ARHGEF28: variants seen among roughly 807,000 people sequenced by gnomAD.
The protein encoded by ARHGEF28 is 190 kDa guanine nucleotide exchange factor.
Under a neutral mutation model 206.6 loss-of-function variants are expected in ARHGEF28, and 152 were observed. That is an observed-to-expected ratio of 0.74 (90% CI 0.64 to 0.84). The LOEUF is 0.84. Among genes scored for constraint, ARHGEF28 ranks in the 40% least tolerant of loss-of-function variants. The pLI, the probability that ARHGEF28 is intolerant of heterozygous loss-of-function variation, is 0.00. For synonymous variants in ARHGEF28, 763 were observed against 776.4 expected, an observed-to-expected ratio of 0.98 and a Z score of 0.29; for missense variants, 2,028 against 2,073.2, an observed-to-expected ratio of 0.98 and a Z score of 0.42.
intron 2 of ARHGEF28, among the ~76,000 whole-genome samples, chr5:73,695,328 G>A (rs544527721): frequency 6.6e-6 from 1 of 152,106 alleles, no homozygotes; most frequent in South Asian, 2.1e-4. Flanking sequence ...CCTCTGTTGT[G>A]TGGGTGTTCC....
intron 35 of ARHGEF28, among the ~76,000 whole-genome samples, chr5:73,939,370 G>A (rs1742442776): frequency 6.6e-6 from 1 of 152,210 alleles, no homozygotes; most frequent in South Asian, 2.1e-4. Context: ...TTGAGGTACA[G>A]CATTTAGGAT....
intron 1 of ARHGEF28, among the ~76,000 whole-genome samples, chr5:73,643,563 CTA>C (rs1744249681): frequency 6.6e-6 from 1 of 152,044 alleles, no homozygotes; most frequent in African/African-American, 2.4e-5. Flanking sequence ...GCCTGTAATC[CTA>C]GCACTCTGAG....
At chr5:73,684,816 C>T in intron 1 of ARHGEF28, 25 bp from the exon 2 acceptor site, 2 of 1,603,804 alleles carry the variant, frequency 1.2e-6, no homozygotes, top group Non-Finnish European at 1.7e-6. Context: ...GCAATAACTT[C>T]TCTTGTTTAT....
At chr5:73,687,777 G>GA (rs1406831448) in intron 2 of ARHGEF28, among the ~76,000 whole-genome samples, 1 of 151,898 alleles carries the variant, frequency 6.6e-6, no homozygotes, top group Non-Finnish European at 1.5e-5. Context: ...CCAGCAAAAA[G>GA]AAAAAATTAA....
At chr5:73,920,519 G>C (rs114355949) in intron 35 of ARHGEF28, among the ~76,000 whole-genome samples, 3 of 147,908 alleles carry the variant, frequency 2.0e-5, no homozygotes. Flanking sequence ...ATGGTAATTT[G>C]CTGTACCTAT....
At chr5:73,909,110 C>T (rs1243633788) in intron 33 of ARHGEF28, 2 of 259,672 alleles carry the variant, frequency 7.7e-6, no homozygotes, top group Non-Finnish European at 1.5e-5. Flanking sequence ...TCAGAAGACT[C>T]GCTTAACTAT....
intron 14 of ARHGEF28, among the ~76,000 whole-genome samples, chr5:73,853,925 G>A (rs1758857495): frequency 1.3e-5 from 2 of 152,292 alleles, no homozygotes; most frequent in African/African-American, 2.4e-5. Context: ...GACCGAAGGA[G>A]CCAATGTTAT....
chr5:73,637,050 A>G (rs563775430), intron 1 of ARHGEF28, among the ~76,000 whole-genome samples: 1 of 152,340 alleles, frequency 6.6e-6, no homozygotes, highest in South Asian at 2.1e-4. Flanking sequence ...TGTTGTCAGA[A>G]TACTTCATGA....
At chr5:73,913,866 G>A (rs938024575) in intron 35 of ARHGEF28, among the ~76,000 whole-genome samples, 4 of 152,164 alleles carry the variant, frequency 2.6e-5, no homozygotes, top group Admixed American at 2.0e-4. Context: ...CTCTTTCATT[G>A]TTAGGCCATA....
At chr5:73,734,377 C>T (rs568859753) in intron 2 of ARHGEF28, among the ~76,000 whole-genome samples, 1 of 152,274 alleles carries the variant, frequency 6.6e-6, no homozygotes, top group South Asian at 2.1e-4. Flanking sequence ...GCCAGGGCAG[C>T]ATGCTCACTG....
intron 2 of ARHGEF28, among the ~76,000 whole-genome samples, chr5:73,685,239 G>C (rs531054007): frequency 6.6e-6 from 1 of 152,268 alleles, no homozygotes; most frequent in African/African-American, 2.4e-5. Context: ...AAGGTTTCAT[G>C]ATAATTGTGT....
chr5:73,859,856 C>G (rs1579998474), intron 16 of ARHGEF28, among the ~76,000 whole-genome samples: 1 of 152,170 alleles, frequency 6.6e-6, no homozygotes, highest in East Asian at 1.9e-4. Flanking sequence ...TGTTTTAAGA[C>G]AGACTCAAGT....
chr5:73,881,451 G>T (rs1304985353), intron 22 of ARHGEF28, among the ~76,000 whole-genome samples: 1 of 152,060 alleles, frequency 6.6e-6, no homozygotes, highest in African/African-American at 2.4e-5. Context: ...CATTTATTTA[G>T]ATTTTTGTCA....
chr5:73,847,039 TTTAC>T (rs546204333), intron 12 of ARHGEF28, among the ~76,000 whole-genome samples: 159 of 152,324 alleles, frequency 1.0e-3, no homozygotes, highest in African/African-American at 3.6e-3. Context: ...TTGTTATTTA[TTTAC>T]TTATTTATTT....
In ARHGEF28 at chr5:73,752,915, G is replaced by A. The variant is rs750498517; in HGVS notation, c.188G>A (p.Gly63Glu). 1.9e-6 allele frequency: 3 copies of A among 1,613,828 alleles called. No individual in the cohort carries two copies. In the South Asian group the frequency reaches 3.3e-5, roughly 18 times the overall value. The change falls in exon 4 of 36, where the codon GGG becomes GAG. Residue 63 changes from glycine to glutamate, a missense_variant. Gly to Glu is a moderately conservative substitution (Grantham distance 98, BLOSUM62 -2). Coordinates refer to ENST00000513042, the MANE Select transcript of ARHGEF28 (RefSeq NM_001177693.2). ...NVLQSSVPGHGLQETVTVSVC... is the reference protein window; with the variant it reads ...NVLQSSVPGHELQETVTVSVC... The stretch of plus-strand genomic sequence containing the variant: ...TCACTGTCTTGTTGTCCAGGCCATG[G>A]GCTTCAGGAGACGGTGACGGTATCT...
intron 35 of ARHGEF28, among the ~76,000 whole-genome samples, chr5:73,928,071 C>T (rs554039380): frequency 6.6e-6 from 1 of 152,284 alleles, no homozygotes; most frequent in African/African-American, 2.4e-5. Context: ...ATATCAATTT[C>T]TCAAACCAGA....
chr5:73,633,496 C>T (rs576008619), intron 1 of ARHGEF28, among the ~76,000 whole-genome samples: 11 of 151,586 alleles, frequency 7.3e-5, no homozygotes, highest in Admixed American at 3.3e-4. Context: ...GTAAAAAGGA[C>T]TCAATAAGAT....
intron 35 of ARHGEF28, among the ~76,000 whole-genome samples, chr5:73,935,135 C>A (rs536732105): frequency 1.3e-5 from 2 of 152,260 alleles, no homozygotes; most frequent in East Asian, 3.9e-4. Context: ...TTATATAGCC[C>A]ATATTGACTA....
At chr5:73,783,094 GT>G (rs1287064651) in intron 7 of ARHGEF28, among the ~76,000 whole-genome samples, 1 of 152,152 alleles carries the variant, frequency 6.6e-6, no homozygotes, top group East Asian at 1.9e-4. Context: ...GGGGCTTACA[GT>G]TTGAGGTTGG....
Sources: gnomAD v4.1 joint callset for allele counts (sites outside exome capture counted in the v4.1 genomes callset) on GRCh38, gnomAD v4.1.1 for gene constraint, MANE v1.5 for transcripts, NCBI Gene and HGNC (gene_info 2026-07-23, HGNC 2026-07-21) for gene names.